The following SNTG1 variants were observed in gnomAD, a reference collection of about 807,000 sequenced individuals.
SNTG1 encodes syntrophin gamma 1.
In SNTG1, 39 loss-of-function variants were observed where a neutral mutation model predicts 74.7. The observed-to-expected ratio is 0.52, with a 90% confidence interval of 0.40 to 0.68. The LOEUF is 0.68. Ranked by LOEUF, SNTG1 falls within the 30% of genes least tolerant of loss-of-function variation. The probability of loss-of-function intolerance (pLI) is 0.00; values close to 1 mark genes in which losing one functional copy is unlikely to be tolerated. For synonymous variants in SNTG1, 254 were observed against 217.1 expected, an observed-to-expected ratio of 1.17 and a Z score of -1.49; for missense variants, 685 against 609.5, an observed-to-expected ratio of 1.12 and a Z score of -1.30.
At chr8:50,532,250 T>A (rs1396825335) in intron 10 of SNTG1, among the ~76,000 whole-genome samples, 1 of 152,028 alleles carries the variant, frequency 6.6e-6, no homozygotes, top group African/African-American at 2.4e-5. Context: ...GAAAACAAAA[T>A]AAAGTATATT....
intron 11 of SNTG1, among the ~76,000 whole-genome samples, chr8:50,544,113 G>A (rs1455635557): frequency 6.6e-6 from 1 of 151,608 alleles, no homozygotes; most frequent in Non-Finnish European, 1.5e-5. Flanking sequence ...CTTACCTCTT[G>A]TAATAATTAA....
At chr8:50,688,357 C>T (rs940511468) in intron 15 of SNTG1, among the ~76,000 whole-genome samples, 2 of 152,116 alleles carry the variant, frequency 1.3e-5, no homozygotes, top group African/African-American at 4.8e-5. Flanking sequence ...ATGGTATTGC[C>T]TAGGTTTTCT....
intron 13 of SNTG1, among the ~76,000 whole-genome samples, chr8:50,641,761 T>C (rs1275892491): frequency 1.3e-5 from 2 of 152,324 alleles, no homozygotes; most frequent in Admixed American, 1.3e-4. Flanking sequence ...TTCATTTGTC[T>C]TTCATGACGT....
intron 4 of SNTG1, among the ~76,000 whole-genome samples, chr8:50,404,225 A>G (rs545889470): frequency 6.2e-4 from 95 of 152,294 alleles, no homozygotes; most frequent in African/African-American, 2.0e-3. Flanking sequence ...CAAAAGATGT[A>G]TATGATCTCT....
intron 2 of SNTG1, among the ~76,000 whole-genome samples, chr8:50,213,194 AATC>A (rs1307903531): frequency 6.6e-6 from 1 of 152,204 alleles, no homozygotes; most frequent in African/African-American, 2.4e-5. Context: ...GAAGGAAATA[AATC>A]ATCATATATG....
intron 2 of SNTG1, among the ~76,000 whole-genome samples, chr8:50,204,272 T>C (rs1418064749): frequency 6.6e-6 from 1 of 152,164 alleles, no homozygotes; most frequent in Non-Finnish European, 1.5e-5. Flanking sequence ...CCTAGGTCTG[T>C]ACTAGATGTA....
At chr8:50,613,109 A>G (rs1281585050) in intron 13 of SNTG1, among the ~76,000 whole-genome samples, 1 of 152,188 alleles carries the variant, frequency 6.6e-6, no homozygotes, top group East Asian at 1.9e-4. Flanking sequence ...CAATATTAGA[A>G]TTCAATAATA....
intron 15 of SNTG1, among the ~76,000 whole-genome samples, chr8:50,702,097 C>A (rs1487419777): frequency 1.3e-5 from 2 of 152,028 alleles, no homozygotes; most frequent in African/African-American, 2.4e-5. Context: ...AGTGATCTGC[C>A]CACCTCGGCC....
chr8:50,515,652 C>A (rs6984911), intron 9 of SNTG1, among the ~76,000 whole-genome samples: 1 of 152,006 alleles, frequency 6.6e-6, no homozygotes, highest in Admixed American at 6.6e-5. Context: ...CTTTAGTAGG[C>A]GGCTTTCTCC....
intron 2 of SNTG1, among the ~76,000 whole-genome samples, chr8:50,177,417 C>A (rs1398196117): frequency 6.6e-6 from 1 of 152,150 alleles, no homozygotes; most frequent in Non-Finnish European, 1.5e-5. Context: ...GCCTCATTCC[C>A]GAACATCCCT....
In SNTG1 at chr8:49,952,963, C is replaced by G. The variant is rs114185639; in HGVS notation, c.-103+40732C>G. On this transcript the variant is annotated intron_variant, in intron 1 of 18. Coordinates refer to ENST00000642720, the MANE Select transcript of SNTG1 (RefSeq NM_018967.5). ...GAAATCAATTGTTCAGTATCATGTA[C>G]GTTCATGTAGATAAATTTGTTGCCT... Among the ~76,000 whole-genome samples the G allele has an allele frequency of 5.4e-3, 823 of 152,194 alleles. 11 individuals carry two copies. Among genetic ancestry groups the G allele is most frequent in the African/African-American group, 0.019 (778 of 41,522 alleles).
intron 2 of SNTG1, among the ~76,000 whole-genome samples, chr8:50,251,591 A>G (rs2086650408): frequency 6.6e-6 from 1 of 151,856 alleles, no homozygotes; most frequent in African/African-American, 2.4e-5. Context: ...TATATCAGAT[A>G]AAATACATAT....
chr8:50,773,750 G>A (rs1238558305), intron 18 of SNTG1, among the ~76,000 whole-genome samples: 1 of 152,012 alleles, frequency 6.6e-6, no homozygotes, highest in Non-Finnish European at 1.5e-5. Flanking sequence ...TAAGAAAATA[G>A]ACTCAATAGA....
intron 15 of SNTG1, among the ~76,000 whole-genome samples, chr8:50,699,029 G>A (rs943776844): frequency 1.3e-5 from 2 of 152,094 alleles, no homozygotes; most frequent in Middle Eastern, 3.2e-3. Flanking sequence ...TGGATAATAT[G>A]TTTGTAAACA....
chr8:49,917,941 C>G (rs1411111277), intron 1 of SNTG1, among the ~76,000 whole-genome samples: 1 of 150,850 alleles, frequency 6.6e-6, no homozygotes, highest in Admixed American at 6.6e-5. Context: ...TGTGTGAAAT[C>G]TACTTTTTGC....
At chr8:50,022,307 T>C (rs1433617522) in intron 1 of SNTG1, among the ~76,000 whole-genome samples, 2 of 152,114 alleles carry the variant, frequency 1.3e-5, no homozygotes, top group East Asian at 3.9e-4. Context: ...ATGCTTTGTG[T>C]TATGGGGGTA....
At chr8:50,209,696 C>G (rs1304457226) in intron 2 of SNTG1, among the ~76,000 whole-genome samples, 2 of 152,178 alleles carry the variant, frequency 1.3e-5, no homozygotes, top group East Asian at 1.9e-4. Context: ...ACAGAAAGGA[C>G]ATCCACACCA....
intron 1 of SNTG1, among the ~76,000 whole-genome samples, chr8:50,104,818 T>C (rs1285357060): frequency 6.6e-6 from 1 of 152,072 alleles, no homozygotes; most frequent in Non-Finnish European, 1.5e-5. Flanking sequence ...ATTTTGCTTC[T>C]GGCCATGTGT....
intron 4 of SNTG1, among the ~76,000 whole-genome samples, chr8:50,432,742 C>A (rs986641613): frequency 1.3e-5 from 2 of 151,598 alleles, no homozygotes; most frequent in South Asian, 2.1e-4. Flanking sequence ...TAGATTTATA[C>A]CAAAATATTT....
Sources: gnomAD v4.1 joint callset for allele counts (sites outside exome capture counted in the v4.1 genomes callset) on GRCh38, gnomAD v4.1.1 for gene constraint, MANE v1.5 for transcripts, NCBI Gene and HGNC (gene_info 2026-07-23, HGNC 2026-07-21) for gene names.